ADGRL3: variants seen among roughly 807,000 people sequenced by gnomAD.
ADGRL3 encodes calcium-independent alpha-latrotoxin receptor 3.
Under a neutral mutation model 153.5 loss-of-function variants are expected in ADGRL3, and 62 were observed. The ratio of observed to expected loss-of-function variants is 0.40; its 90% CI spans 0.33 to 0.50. ADGRL3 has a LOEUF of 0.50. ADGRL3 is among the 20% of genes least tolerant of loss of function. The pLI is 0.47. For synonymous variants in ADGRL3, 710 were observed against 672.5 expected (o/e 1.06, Z -0.86); for missense variants, 1,641 against 1,859.4 (o/e 0.88, Z 2.16).
At position 61,856,449 on chromosome 4, in the gene ADGRL3, T is replaced by TTTTTC. The variant is rs534182515; in HGVS notation, c.1481-36182_1481-36178dup. On this transcript the variant is annotated intron_variant, in intron 9 of 26. Coordinates refer to ENST00000683033, the MANE Select transcript of ADGRL3 (RefSeq NM_001387552.1). ...TTCCTTCCTTCCTTCCTTCCTTCCT[T>TTTTTC]TTTTCTTTTCTTTTCTTTTCTTTTC... Among the ~76,000 whole-genome samples, 136 of 148,656 alleles carry TTTTTC rather than the reference T, an allele frequency of 9.1e-4. 2 individuals are homozygous for TTTTTC. The highest frequency in any genetic ancestry group is 3.0e-3 in the Admixed American group (44 of 14,888).
chr4:61,871,257 G>A (rs2098443872), intron 9 of ADGRL3, among the ~76,000 whole-genome samples: 1 of 150,196 alleles, frequency 6.7e-6, no homozygotes, highest in Non-Finnish European at 1.5e-5. Context: ...CAGCCTGGGT[G>A]ACAGAGTGAG....
chr4:61,927,753 T>G (rs1278647894), intron 13 of ADGRL3, among the ~76,000 whole-genome samples: 1 of 152,112 alleles, frequency 6.6e-6, no homozygotes, highest in Non-Finnish European at 1.5e-5. Flanking sequence ...CAGTACAATG[T>G]GTCCTATTCA....
At chr4:61,888,800 A>T (rs1167555849) in intron 9 of ADGRL3, among the ~76,000 whole-genome samples, 1 of 152,172 alleles carries the variant, frequency 6.6e-6, no homozygotes, top group Non-Finnish European at 1.5e-5. Flanking sequence ...GAAGTTTTTT[A>T]AAAATACCGT....
chr4:61,807,454 A>G (rs1256013850), intron 8 of ADGRL3, among the ~76,000 whole-genome samples: 2 of 151,844 alleles, frequency 1.3e-5, no homozygotes, highest in South Asian at 4.2e-4. Context: ...CACCAAGTCT[A>G]TTTTTCACGG....
chr4:61,509,623 C>T (rs372251427), intron 3 of ADGRL3, among the ~76,000 whole-genome samples: 26 of 150,604 alleles, frequency 1.7e-4, no homozygotes, highest in African/African-American at 3.9e-4. Context: ...TGTGTGTGTG[C>T]GTGTGTATAT....
intron 2 of ADGRL3, among the ~76,000 whole-genome samples, chr4:61,404,296 C>T (rs1027883042): frequency 2.0e-5 from 3 of 151,952 alleles, no homozygotes; most frequent in Non-Finnish European, 4.4e-5. Context: ...CCAATCTAAC[C>T]TAGCCCAATG....
chr4:61,774,406 TA>T (rs534824550), intron 8 of ADGRL3, among the ~76,000 whole-genome samples: 21 of 133,922 alleles, frequency 1.6e-4, no homozygotes, highest in Admixed American at 2.9e-4. Context: ...AAGGGAAACA[TA>T]AAAAAAAAAT....
chr4:61,353,822 T>TTTTATA (rs113121530), intron 1 of ADGRL3, among the ~76,000 whole-genome samples: 2 of 151,884 alleles, frequency 1.3e-5, no homozygotes, highest in South Asian at 2.1e-4. Context: ...TTTAGCATTT[T>TTTTATA]TGTAGATGAT....
At chr4:61,873,216 C>T (rs952726847) in intron 9 of ADGRL3, among the ~76,000 whole-genome samples, 4 of 152,174 alleles carry the variant, frequency 2.6e-5, no homozygotes, top group Admixed American at 6.5e-5. Flanking sequence ...CAACTGGACA[C>T]TGGAGGCATT....
Position 61,735,994 on chromosome 4 carries a change from A to T in ADGRL3, c.1399+2440A>T, listed in dbSNP as rs568803156. On this transcript the variant is annotated intron_variant, in intron 8 of 26. Coordinates refer to ENST00000683033, the MANE Select transcript of ADGRL3 (RefSeq NM_001387552.1). ...CAAAAATATTTTTAGCATACATACAATTTTAGCATATAATAAACATATGAA... is the reference window on the plus strand; with the variant it reads ...CAAAAATATTTTTAGCATACATACATTTTTAGCATATAATAAACATATGAA... 3.3e-5 allele frequency among the ~76,000 whole-genome samples: 5 copies of T among 152,184 alleles called. No homozygotes were observed. In the East Asian group the frequency reaches 9.7e-4, roughly 29 times the overall value.
intron 9 of ADGRL3, among the ~76,000 whole-genome samples, chr4:61,874,596 G>GTT (rs11335054): frequency 6.9e-6 from 1 of 145,118 alleles, no homozygotes; most frequent in Non-Finnish European, 1.5e-5. Flanking sequence ...GTTTGCATGT[G>GTT]TTTTTTTTTT....
At chr4:61,214,575 A>G (rs1490735039) in intron 1 of ADGRL3, among the ~76,000 whole-genome samples, 2 of 152,338 alleles carry the variant, frequency 1.3e-5, no homozygotes, top group East Asian at 3.9e-4. Context: ...TTTGGCTTAT[A>G]ATGAGTAAAC....
intron 25 of ADGRL3, among the ~76,000 whole-genome samples, chr4:62,062,735 A>G (rs1010700132): frequency 3.9e-5 from 6 of 152,108 alleles, no homozygotes; most frequent in Admixed American, 2.0e-4. Context: ...TTTCATTGCT[A>G]TGTCAAATTC....
intron 8 of ADGRL3, among the ~76,000 whole-genome samples, chr4:61,806,434 G>A (rs1204960948): frequency 6.6e-6 from 1 of 151,320 alleles, no homozygotes; most frequent in African/African-American, 2.4e-5. Context: ...AAATTATATT[G>A]CACATACTTG....
chr4:61,828,455 T>G (rs2148826640), intron 9 of ADGRL3, among the ~76,000 whole-genome samples: 1 of 152,328 alleles, frequency 6.6e-6, no homozygotes, highest in Non-Finnish European at 1.5e-5. Context: ...GGCAAACATT[T>G]AAATTTTGCT....
Position 61,539,480 on chromosome 4 carries a change from A to T in ADGRL3, c.259+21962A>T, listed in dbSNP as rs530476120. ...TCAGGGGCCCCATAACTCTCCAAGGATCTGCTAGTCCTCTACAGTTGCAAA... is the reference window on the plus strand; with the variant it reads ...TCAGGGGCCCCATAACTCTCCAAGGTTCTGCTAGTCCTCTACAGTTGCAAA... On this transcript the variant is annotated intron_variant, in intron 4 of 26. Transcript: ENST00000683033. Among the ~76,000 whole-genome samples, 19 of 152,298 alleles carry T rather than the reference A, an allele frequency of 1.2e-4. No individual in the cohort carries two copies. The South Asian group carries it at 3.9e-3, about 32-fold the overall frequency.
intron 25 of ADGRL3, among the ~76,000 whole-genome samples, chr4:62,047,802 A>G (rs1176678507): frequency 6.6e-6 from 1 of 152,152 alleles, no homozygotes; most frequent in Non-Finnish European, 1.5e-5. Flanking sequence ...TGTTTGGCAC[A>G]ATGTTACACA....
At chr4:62,060,175 G>T (rs1739290933) in intron 25 of ADGRL3, among the ~76,000 whole-genome samples, 1 of 151,842 alleles carries the variant, frequency 6.6e-6, no homozygotes, top group East Asian at 1.9e-4. Flanking sequence ...TTATTCAAAA[G>T]TGCATTTTTC....
chr4:61,912,187 CAA>C (rs1285999211), intron 12 of ADGRL3, among the ~76,000 whole-genome samples: 6 of 152,090 alleles, frequency 3.9e-5, no homozygotes, highest in Admixed American at 3.3e-4. Context: ...CCATTAGAAT[CAA>C]AGAGTCATAA....
Sources: allele counts gnomAD v4.1 joint callset (sites outside exome capture counted in the v4.1 genomes callset), GRCh38; gene constraint gnomAD v4.1.1; transcripts MANE v1.5; gene names NCBI Gene and HGNC (gene_info 2026-07-23, HGNC 2026-07-21).